AS3MT: variants seen among roughly 807,000 people sequenced by gnomAD.
AS3MT encodes the protein S-adenosyl-L-methionine:arsenic(III) methyltransferase.
A neutral mutation model predicts 45.3 loss-of-function variants in AS3MT; 47 were observed. That is an observed-to-expected ratio of 1.04 (90% CI 0.82 to 1.32). The LOEUF is 1.32. AS3MT is among the 40% of genes most tolerant of loss of function. The pLI is 0.00. For synonymous variants in AS3MT, 141 were observed against 152.8 expected (o/e 0.92, Z 0.57); for missense variants, 396 against 451.1 (o/e 0.88, Z 1.11).
chr10:102,900,305 T>C (rs1316380559), intron 10 of AS3MT, among the ~76,000 whole-genome samples: 1 of 152,064 alleles, frequency 6.6e-6, no homozygotes, highest in Non-Finnish European at 1.5e-5. Context: ...CACGTGCAAA[T>C]GACAACCCCA....
At chr10:102,874,757 TCTTAATTTATCCATTA>T (rs2134112126) in intron 6 of AS3MT, 96 bp downstream of exon 6, 2 of 905,192 alleles carry the variant, frequency 2.2e-6, no homozygotes, top group East Asian at 5.3e-5. Flanking sequence ...GCTCAAACTC[TCTTAATTTATCCATTA>T]AATGAATAAG....
Position 102,870,218 on chromosome 10 carries a change from T to C in AS3MT, c.170+7T>C, listed in dbSNP as rs1844655031. The C allele has an allele frequency of 6.2e-7, 1 of 1,614,056 alleles. No individual in the cohort carries two copies. The highest frequency in any genetic ancestry group is 8.5e-7 in the Non-Finnish European group (1 of 1,179,984). ...ACGAAGAAGTAGCCCTAAGGTAGAG[T>C]GCCCTGTGCTGTCCCCAGGAAGACC... On this transcript the variant is annotated splice_region_variant and intron_variant, in intron 3 of 10. Coordinates refer to ENST00000369880, the MANE Select transcript of AS3MT (RefSeq NM_020682.4).
Position 102,881,731 on chromosome 10 carries a change from G to T in AS3MT, c.885+2740G>T, listed in dbSNP as rs2134118209. 6.6e-6 allele frequency among the ~76,000 whole-genome samples: 1 copy of T among 152,028 alleles called. No individual in the cohort carries two copies. The highest frequency in any genetic ancestry group is 2.1e-4 in the South Asian group (1 of 4,816). On this transcript the variant is annotated intron_variant, in intron 9 of 10. Coordinates refer to ENST00000369880, the MANE Select transcript of AS3MT (RefSeq NM_020682.4). The surrounding 1 kb of genome is among the most constrained non-coding windows in gnomAD (Gnocchi z 4.2). ...CTTACTATTAATATTTCATTTTTCT[G>T]ATTTATTTATTTATCTATTTTAGAG...
chr10:102,878,577 T>C, intron 8 of AS3MT, 67 bp downstream of exon 8: 2 of 1,573,090 alleles, frequency 1.3e-6, no homozygotes, highest in Non-Finnish European at 1.7e-6. Context: ...TGGTGATTAG[T>C]AAGTAACTTC....
intron 10 of AS3MT, among the ~76,000 whole-genome samples, chr10:102,896,137 G>A (rs1313279965): frequency 6.6e-6 from 1 of 151,716 alleles, no homozygotes; most frequent in Non-Finnish European, 1.5e-5. Flanking sequence ...GTCAAGACCA[G>A]CCTGGCCAAC....
At chr10:102,895,490 C>T (rs1430319408) in intron 10 of AS3MT, among the ~76,000 whole-genome samples, 2 of 152,126 alleles carry the variant, frequency 1.3e-5, no homozygotes, top group East Asian at 1.9e-4. Flanking sequence ...TGTGAACTAC[C>T]ACGCCCGGGT....
rs1845264590 is a variant in AS3MT at position 102,901,123 on chromosome 10, A to G, written c.*423A>G. 1 of 151,990 alleles carries G rather than the reference A, an allele frequency of 6.6e-6. No individual in the cohort carries two copies. Among genetic ancestry groups the G allele is most frequent in the Non-Finnish European group, 1.5e-5 (1 of 68,248 alleles). 9.4% of individuals were successfully genotyped at this position (151,990 alleles called of 1,614,324 possible). On this transcript the variant is annotated 3_prime_UTR_variant, in exon 11 of 11. Transcript: ENST00000369880. ...AAAAAAAAAAAAAAGAAAGAAAGAA[A>G]AAGAAAACAACAAATGGCAGAGAGC...
At chr10:102,871,318 G>C (rs1353115029) in intron 3 of AS3MT, among the ~76,000 whole-genome samples, 2 of 151,816 alleles carry the variant, frequency 1.3e-5, no homozygotes, top group African/African-American at 4.8e-5. Flanking sequence ...AGGCCGAGGC[G>C]GGAGGATCAC....
At chr10:102,880,808 A>C (rs1295241913) in intron 9 of AS3MT, among the ~76,000 whole-genome samples, 1 of 152,262 alleles carries the variant, frequency 6.6e-6, no homozygotes, top group Non-Finnish European at 1.5e-5. Context: ...TTTTAGGTTT[A>C]GAAACACTAA....
Position 102,874,647 on chromosome 10 carries a change from T to A in AS3MT, c.514T>A (p.Tyr172Asn). The A allele has an allele frequency of 1.2e-6, 2 of 1,608,912 alleles. No homozygotes were observed. Among genetic ancestry groups the A allele is most frequent in the East Asian group, 2.2e-5 (1 of 44,722 alleles). Residue 172 changes from tyrosine to asparagine, a missense_variant, in exon 6 of 11, where the codon TAT becomes AAT. Physicochemically the swap from Tyr to Asn is moderately radical, Grantham distance 143. Transcript: ENST00000369880. ...TAAACAACAAGTGCTTCAGGAGGCATATCGGGTGCTGAAGGTGAGGAGGAG... is the reference window on the plus strand; with the variant it reads ...TAAACAACAAGTGCTTCAGGAGGCAAATCGGGTGCTGAAGGTGAGGAGGAG... ...PDKQQVLQEA[Y>N]RVLKHGGELY...
At chr10:102,880,956 A>G (rs1047614606) in intron 9 of AS3MT, among the ~76,000 whole-genome samples, 1 of 152,222 alleles carries the variant, frequency 6.6e-6, no homozygotes, top group Non-Finnish European at 1.5e-5. Context: ...AAAATCCCAG[A>G]GTATCTGCAA....
At position 102,873,202 on chromosome 10, in the gene AS3MT, G is replaced by T. The variant is rs745420214; in HGVS notation, c.427G>T (p.Gly143Ter). ...CTACATTGAGAAGTTGGGAGAGGCT[G>T]GAATCAAGAATGAGAGCCATGATAT... ...HGYIEKLGEAGIKNESHDIVV... is the reference protein window; with the variant it reads ...HGYIEKLGEA The change falls in exon 5 of 11, where the codon GGA (glycine) becomes TGA (stop). Residue 143 changes from glycine to a stop codon, truncating the protein, a stop_gained. Transcript: ENST00000369880. LOFTEE classifies it high-confidence loss of function. 2.1e-5 allele frequency: 33 copies of T among 1,608,442 alleles called. 1 individual carries two copies. The highest frequency in any genetic ancestry group is 9.0e-5 in the East Asian group (4 of 44,692).
Position 102,876,995 on chromosome 10 carries a change from T to G in AS3MT, c.570T>G (p.Leu190=). ...ELYFSDVYTS[L]ELPEEIRTHK... is the part of the protein sequence containing the mutation. ...ATTTCAGTGACGTCTATACGAGCCT[T>G]GAACTGCCAGAAGAAATCAGGACAC... Residue 190 remains leucine (L), a synonymous_variant, in exon 7 of 11, where the codon CTT becomes CTG. Coordinates refer to ENST00000369880, the MANE Select transcript of AS3MT (RefSeq NM_020682.4). 6.2e-7 allele frequency: 1 copy of G among 1,614,210 alleles called. No individual in the cohort carries two copies. The highest frequency in any genetic ancestry group is 8.5e-7 in the Non-Finnish European group (1 of 1,180,008).
intron 5 of AS3MT, among the ~76,000 whole-genome samples, chr10:102,874,295 A>G (rs906598513): frequency 1.3e-5 from 2 of 152,164 alleles, no homozygotes; most frequent in Non-Finnish European, 2.9e-5. Context: ...TGCAGTAGGC[A>G]TCTGGTCTGA....
chr10:102,883,872 C>G (rs1368268229), intron 9 of AS3MT, among the ~76,000 whole-genome samples: 1 of 151,856 alleles, frequency 6.6e-6, no homozygotes, highest in Non-Finnish European at 1.5e-5. Context: ...ATGACTAAAT[C>G]AAGATAATTA....
intron 9 of AS3MT, among the ~76,000 whole-genome samples, chr10:102,886,430 T>C (rs908995254): frequency 3.3e-5 from 5 of 151,732 alleles, no homozygotes; most frequent in Non-Finnish European, 7.4e-5. Flanking sequence ...GTTCAAGCAA[T>C]TCTCCTGTCT....
chr10:102,887,223 A>C (rs1315206846), intron 9 of AS3MT, among the ~76,000 whole-genome samples: 3 of 152,188 alleles, frequency 2.0e-5, no homozygotes, highest in African/African-American at 7.2e-5. Context: ...GAATTTGTTA[A>C]GACTTGTTTT....
chr10:102,898,868 A>G lies in AS3MT; in HGVS notation c.1021-1725A>G, dbSNP rs192425897. Among the ~76,000 whole-genome samples, 12 of 152,292 alleles carry G rather than the reference A, an allele frequency of 7.9e-5. No homozygotes were observed. In the East Asian group the frequency reaches 2.3e-3, roughly 29 times the overall value. On this transcript the variant is annotated intron_variant, in intron 10 of 10. Transcript: ENST00000369880. ...TACAGCTAGAAAGTGGTGAATTTGCACCCACATCTGATTCTGGAGCTGGCA... is the reference window on the plus strand; with the variant it reads ...TACAGCTAGAAAGTGGTGAATTTGCGCCCACATCTGATTCTGGAGCTGGCA...
intron 9 of AS3MT, among the ~76,000 whole-genome samples, chr10:102,879,865 C>T (rs1289071505): frequency 6.7e-6 from 1 of 148,514 alleles, no homozygotes; most frequent in African/African-American, 2.5e-5. Flanking sequence ...CAATTGAGAA[C>T]ATTTTTCCAT....
Sources: gnomAD v4.1 joint callset for allele counts (sites outside exome capture counted in the v4.1 genomes callset) on GRCh38, gnomAD v4.1.1 for gene constraint, Gnocchi (gnomAD v3.1) non-coding constraint, MANE v1.5 for transcripts, NCBI Gene and HGNC (gene_info 2026-07-23, HGNC 2026-07-21) for gene names.